The following MBP variants were observed in gnomAD, a reference collection of about 807,000 sequenced individuals.
The protein encoded by MBP is myelin basic protein, also known as Golli-MBP.
Under a neutral mutation model 35.8 loss-of-function variants are expected in MBP, and 16 were observed. That is an observed-to-expected ratio of 0.45 (90% confidence interval 0.30 to 0.68). The LOEUF is 0.68. Ranked by LOEUF, MBP falls within the 30% of genes least tolerant of loss-of-function variation. The pLI is 0.08. For missense variants in MBP, 380 were observed against 404.7 expected (o/e 0.94, Z 0.52); for synonymous variants, 143 against 159.6 (o/e 0.90, Z 0.78).
At chr18:76,984,381 C>G in intron 8 of MBP, 1 of 233,280 alleles carries the variant, frequency 4.3e-6, no homozygotes, top group Non-Finnish European at 8.6e-6. Context: ...TGGGCATTCC[C>G]TCCCGTGGCT....
In MBP at chr18:77,131,678, G is replaced by C. The variant is rs1171077949; in HGVS notation, c.-26+902C>G. 6.6e-6 allele frequency: 1 copy of C among 151,670 alleles called. No individual in the cohort carries two copies. The highest frequency in any genetic ancestry group is 1.5e-5 in the Non-Finnish European group (1 of 67,982). 9.4% of individuals were successfully genotyped at this position (151,670 alleles called of 1,614,324 possible). A position where few individuals can be genotyped will look rare whatever the true frequency, so the allele number is the denominator to read the frequency against. Reference sequence around the variant, plus strand: ...AAAACGGGGGGGCTCAGGTGGACGCGAAAGGACACAAGGCGCTGCCCCCAG... The same window carrying C: ...AAAACGGGGGGGCTCAGGTGGACGCCAAAGGACACAAGGCGCTGCCCCCAG... On this transcript the variant is annotated intron_variant, in intron 1 of 8. Coordinates refer to ENST00000355994, the MANE Select transcript of MBP (RefSeq NM_001025101.2). This position sits in a 1 kb window ranked among gnomAD's most constrained non-coding sequence, Gnocchi z 5.5.
intron 2 of MBP, among the ~76,000 whole-genome samples, chr18:77,086,450 T>C (rs1975240132): frequency 6.6e-6 from 1 of 152,220 alleles, no homozygotes; most frequent in Non-Finnish European, 1.5e-5. Flanking sequence ...GCCACAGATG[T>C]TCTCTAGCCT....
intron 3 of MBP, among the ~76,000 whole-genome samples, chr18:77,029,284 G>T (rs1359313949): frequency 4.7e-5 from 7 of 149,638 alleles, no homozygotes; most frequent in African/African-American, 1.7e-4. Flanking sequence ...GGCGGCGCGC[G>T]CCTGCAATCG....
intron 3 of MBP, among the ~76,000 whole-genome samples, chr18:77,062,959 A>C (rs1403111156): frequency 6.6e-6 from 1 of 152,130 alleles, no homozygotes; most frequent in Non-Finnish European, 1.5e-5. Context: ...TGATGCGTGG[A>C]TGAAACGGCT....
rs1291971968 is a variant in MBP, at chr18:77,033,760, AT to A, written c.140-16493del. Among the ~76,000 whole-genome samples the A allele has an allele frequency of 5.9e-3, 170 of 29,056 alleles. 1 individual carries two copies. The highest frequency in any genetic ancestry group is 0.021 in the Admixed American group (52 of 2,528). 19.1% of individuals were successfully genotyped at this position (29,056 alleles called of 152,430 possible). A position where few individuals can be genotyped will look rare whatever the true frequency, so the allele number is the denominator to read the frequency against. ...TATCTACCTATGCATCAATCCACCC[AT>A]CCATCCATCCATCCATCCATCCATC... On this transcript the variant is annotated intron_variant, in intron 3 of 8. Coordinates refer to ENST00000355994, the MANE Select transcript of MBP (RefSeq NM_001025101.2).
At chr18:77,060,494 C>A (rs1441582379) in intron 3 of MBP, among the ~76,000 whole-genome samples, 1 of 120,148 alleles carries the variant, frequency 8.3e-6, no homozygotes, top group Non-Finnish European at 1.6e-5. Context: ...GCTCTTGTTG[C>A]CCAGGCTGGA....
chr18:77,013,322 G>T (rs1364794194), intron 4 of MBP: 1 of 985,320 alleles, frequency 1.0e-6, no homozygotes, highest in East Asian at 1.1e-4. Context: ...GGGGAGGGAG[G>T]ACACCCCTGT....
At chr18:77,072,426 G>T (rs1042067348) in intron 2 of MBP, among the ~76,000 whole-genome samples, 2 of 152,140 alleles carry the variant, frequency 1.3e-5, no homozygotes, top group Non-Finnish European at 2.9e-5. Context: ...ATCATTATTC[G>T]CATGACAGCC....
At position 76,989,646 on chromosome 18, in the gene MBP, C is replaced by G; in HGVS notation, c.681+310G>C. On this transcript the variant is annotated intron_variant, in intron 5 of 8. Transcript: ENST00000355994. This position sits in a 1 kb window ranked among gnomAD's most constrained non-coding sequence, Gnocchi z 4.0. ...TGCCCCCTCCGCTCCCAGCCCATGGCAAGCACTCTCCATAGGTTGCAAAGC... is the reference window on the plus strand; with the variant it reads ...TGCCCCCTCCGCTCCCAGCCCATGGGAAGCACTCTCCATAGGTTGCAAAGC... 1 of 334,114 alleles carries G rather than the reference C, an allele frequency of 3.0e-6. No homozygotes were observed. Among genetic ancestry groups the G allele is most frequent in the Non-Finnish European group, 5.6e-6 (1 of 177,266 alleles). 20.7% of individuals were successfully genotyped at this position (334,114 alleles called of 1,614,324 possible). A position where few individuals can be genotyped will look rare whatever the true frequency, so the allele number is the denominator to read the frequency against.
intron 3 of MBP, among the ~76,000 whole-genome samples, chr18:77,037,840 C>T (rs12956305): frequency 0.17 from 26,048 of 152,152 alleles, 2,471 homozygotes; most frequent in Middle Eastern, 0.23. Flanking sequence ...AGAAAGCAGG[C>T]GACGGGCCTC....
chr18:77,133,463 C>T, upstream of MBP: 1 of 152,434 alleles, frequency 6.6e-6, no homozygotes, highest in Middle Eastern at 3.4e-3. Flanking sequence ...ACATCGTGGT[C>T]TTCGTCGCTG....
chr18:76,980,251 T>C lies in MBP; in HGVS notation c.*176A>G, dbSNP rs1261426928. 8.3e-6 allele frequency: 6 copies of C among 726,922 alleles called. No individual in the cohort carries two copies. The highest frequency in any genetic ancestry group is 1.5e-5 in the Non-Finnish European group (6 of 396,082). The allele number at this position is 726,922 out of a possible 1,614,324, so 45.0% of individuals were successfully genotyped here. On this transcript the variant is annotated 3_prime_UTR_variant, in exon 9 of 9. Transcript: ENST00000355994. Reference sequence around the variant, plus strand: ...TTCTGTTTTCATGTTCTCATTTAACTGTTGGCCGGAAATTGCCGGTAGGCT... The same window carrying C: ...TTCTGTTTTCATGTTCTCATTTAACCGTTGGCCGGAAATTGCCGGTAGGCT...
chr18:77,074,095 T>C (rs1338362750), intron 2 of MBP, among the ~76,000 whole-genome samples: 1 of 152,028 alleles, frequency 6.6e-6, no homozygotes, highest in Admixed American at 6.6e-5. Context: ...ACAGAAAGGG[T>C]TGCTTCTGAT....
intron 3 of MBP, among the ~76,000 whole-genome samples, chr18:77,055,151 G>A (rs980823248): frequency 5.9e-5 from 9 of 152,190 alleles, no homozygotes; most frequent in Admixed American, 1.3e-4. Context: ...TGGGCCCTGC[G>A]TGTCTGTACC....
intron 3 of MBP, among the ~76,000 whole-genome samples, chr18:77,019,584 T>C (rs1971904560): frequency 6.6e-6 from 1 of 152,166 alleles, no homozygotes; most frequent in Non-Finnish European, 1.5e-5. Context: ...GCCTTCACAA[T>C]GGTCACAGAA....
chr18:77,103,850 G>A (rs73493040), intron 2 of MBP, among the ~76,000 whole-genome samples: 3,621 of 152,330 alleles, frequency 0.024, 144 homozygotes, highest in African/African-American at 0.081. Flanking sequence ...GGGCACTACA[G>A]GGGAACCGAA....
rs545949104 is a variant in MBP at position 77,061,484 on chromosome 18, A to G, written c.139+4814T>C. 5.6e-4 allele frequency among the ~76,000 whole-genome samples: 86 copies of G among 152,310 alleles called. 1 individual carries two copies. In the South Asian group the frequency reaches 0.017, roughly 29 times the overall value. ...ATTTTATGATTACCCCTACTTACGT[A>G]TGGGGAAACCAAGACACAAACAGAG... is the stretch of plus-strand genomic sequence containing the variant. On this transcript the variant is annotated intron_variant, in intron 3 of 8. Transcript: ENST00000355994.
chr18:76,999,235 G>T (rs922108171), intron 4 of MBP, among the ~76,000 whole-genome samples: 13 of 152,114 alleles, frequency 8.5e-5, no homozygotes, highest in African/African-American at 2.9e-4. Flanking sequence ...TCACAGACCA[G>T]CCATGGGGGA....
chr18:77,117,967 G>A (rs181994814), intron 1 of MBP, among the ~76,000 whole-genome samples: 2 of 10,852 alleles, frequency 1.8e-4, no homozygotes, highest in Non-Finnish European at 1.7e-4. Context: ...GGGGTGGGAC[G>A]GGGACAGGGG....
Sources: gnomAD v4.1 joint callset for allele counts (sites outside exome capture counted in the v4.1 genomes callset) on GRCh38, gnomAD v4.1.1 for gene constraint, Gnocchi (gnomAD v3.1) non-coding constraint, MANE v1.5 for transcripts, NCBI Gene and HGNC (gene_info 2026-07-23, HGNC 2026-07-21) for gene names.